The following DET1 variants were observed in gnomAD, a reference collection of about 807,000 sequenced individuals.
The protein encoded by DET1 is DET1 partner of COP1 E3 ubiquitin ligase.
In DET1, 22 loss-of-function variants were observed where a neutral mutation model predicts 43.7. That is an observed-to-expected ratio of 0.50 (90% CI 0.36 to 0.72). DET1 has a LOEUF of 0.72. DET1 is among the 30% of genes least tolerant of loss of function. The pLI, the probability that DET1 is intolerant of heterozygous loss-of-function variation, is 0.00. For synonymous variants in DET1, 315 were observed against 266.2 expected (o/e 1.18, Z -1.79); for missense variants, 713 against 713.3 (o/e 1.00, Z 0.00).
At chr15:88,529,276 G>A (rs1310639037) in intron 2 of DET1, among the ~76,000 whole-genome samples, 2 of 152,164 alleles carry the variant, frequency 1.3e-5, no homozygotes, top group Non-Finnish European at 2.9e-5. Flanking sequence ...TCCTATCAGG[G>A]TTTCACCAGA....
intron 1 of DET1, among the ~76,000 whole-genome samples, chr15:88,545,375 C>A (rs952440562): frequency 6.6e-6 from 1 of 152,128 alleles, no homozygotes; most frequent in Admixed American, 6.5e-5. Flanking sequence ...TTCCAGAAAC[C>A]CCCTGACAAA....
intron 1 of DET1, among the ~76,000 whole-genome samples, chr15:88,533,927 GA>G (rs1487770982): frequency 9.0e-5 from 12 of 132,972 alleles, no homozygotes; most frequent in African/African-American, 3.4e-4. Flanking sequence ...CAAATTCACA[GA>G]AACAAAGAAG....
downstream of DET1, among the ~76,000 whole-genome samples, chr15:88,509,511 A>G (rs943255528): frequency 1.3e-5 from 2 of 152,232 alleles, no homozygotes; most frequent in African/African-American, 2.4e-5. Flanking sequence ...CTGTTCAGAG[A>G]CAGACATGTA....
Position 88,513,124 on chromosome 15 carries a change from A to C in DET1, c.1480T>G (p.Ser494Ala). 7 of 1,612,202 alleles carry C rather than the reference A, an allele frequency of 4.3e-6. No individual in the cohort carries two copies. Among genetic ancestry groups the C allele is most frequent in the Non-Finnish European group, 5.9e-6 (7 of 1,178,956 alleles). The change falls in exon 5 of 5, where the codon TCG (serine) becomes GCG (alanine). Residue 494 changes from serine to alanine, a missense_variant. Physicochemically the swap from Ser to Ala is moderately conservative, Grantham distance 99. Transcript: ENST00000268148. ...TGGATCTCAAACTTGAGCAGGCCCG[A>C]GTCCCGGGCATAGAACCTAAAAAGA... ...DHPIRFYARDSGLLKFEIQAG... is the reference protein window; with the variant it reads ...DHPIRFYARDAGLLKFEIQAG...
downstream of DET1, among the ~76,000 whole-genome samples, chr15:88,512,140 C>G (rs1388016595): frequency 6.6e-6 from 1 of 152,202 alleles, no homozygotes; most frequent in Non-Finnish European, 1.5e-5. Context: ...ACCCAAATTA[C>G]AGTACGTGCT....
At chr15:88,515,749 G>C (rs1316755551) in intron 4 of DET1, among the ~76,000 whole-genome samples, 1 of 151,712 alleles carries the variant, frequency 6.6e-6, no homozygotes, top group African/African-American at 2.4e-5. Flanking sequence ...GTTTTGCTAG[G>C]ATAGCTTGGA....
chr15:88,539,902 T>G lies in DET1; in HGVS notation c.-11+6638A>C, dbSNP rs569408385. ...ACCCTGCAGATTTCCTTGCTCACCT[T>G]TTTTGTCATTCTGTAACTTTTCCTG... On this transcript the variant is annotated intron_variant, in intron 1 of 4. Transcript: ENST00000268148. Among the ~76,000 whole-genome samples the G allele has an allele frequency of 8.1e-4, 124 of 152,324 alleles. No homozygotes were observed. The Middle Eastern group carries it at 0.01, about 13-fold the overall frequency.
At chr15:88,524,245 G>A (rs538329099) in intron 3 of DET1, among the ~76,000 whole-genome samples, 38 of 151,118 alleles carry the variant, frequency 2.5e-4, no homozygotes, top group East Asian at 7.9e-4. Context: ...CTGCCTGGCC[G>A]CCCCATCTGA....
intron 3 of DET1, among the ~76,000 whole-genome samples, chr15:88,526,240 A>C (rs1192357197): frequency 6.6e-6 from 1 of 152,218 alleles, no homozygotes; most frequent in Non-Finnish European, 1.5e-5. Flanking sequence ...TGTTTTTCCC[A>C]GTGGCAGTAA....
intron 3 of DET1, among the ~76,000 whole-genome samples, chr15:88,526,278 T>C (rs184149410): frequency 1.4e-4 from 21 of 152,386 alleles, no homozygotes; most frequent in Admixed American, 1.4e-3. Flanking sequence ...CCACTCACTG[T>C]GGTCTGATCT....
At chr15:88,515,662 C>T (rs2056326928) in intron 4 of DET1, among the ~76,000 whole-genome samples, 1 of 145,374 alleles carries the variant, frequency 6.9e-6, no homozygotes. Context: ...AACAGGGATA[C>T]ATAAAAACTG....
At chr15:88,535,877 C>G (rs200830376) in intron 1 of DET1, among the ~76,000 whole-genome samples, 5 of 152,058 alleles carry the variant, frequency 3.3e-5, no homozygotes, top group South Asian at 4.2e-4. Context: ...AGGAAATTTC[C>G]CAAATTTGGC....
At chr15:88,527,411 A>G (rs781640620) in intron 3 of DET1, among the ~76,000 whole-genome samples, 188 bp downstream of exon 3, 1 of 152,266 alleles carries the variant, frequency 6.6e-6, no homozygotes, top group Non-Finnish European at 1.5e-5. Context: ...AGAATCACAG[A>G]CAATGCACAA....
At chr15:88,506,417 CAA>C (rs2056141886) in intron 7 of DET1, among the ~76,000 whole-genome samples, 1 of 148,446 alleles carries the variant, frequency 6.7e-6, no homozygotes, top group Non-Finnish European at 1.5e-5. Context: ...GCCTGATAGG[CAA>C]AGACTTCAGA....
At position 88,515,407 on chromosome 15, in the gene DET1, T is replaced by C. The variant is rs138817523; in HGVS notation, c.1463+1375A>G. Among the ~76,000 whole-genome samples the C allele has an allele frequency of 7.2e-3, 1,083 of 151,176 alleles. 14 individuals carry two copies. Among genetic ancestry groups the C allele is most frequent in the African/African-American group, 0.023 (931 of 41,236 alleles). On this transcript the variant is annotated intron_variant, in intron 4 of 4. Transcript: ENST00000268148. The stretch of plus-strand genomic sequence containing the variant: ...TACAAAAATTAGCCAGGTGTGGTGG[T>C]GGGCGCCTGTAATCCCAGCTACTTG...
chr15:88,545,182 T>C (rs564322602), intron 1 of DET1, among the ~76,000 whole-genome samples: 2 of 152,114 alleles, frequency 1.3e-5, no homozygotes, highest in East Asian at 1.9e-4. Flanking sequence ...AAAAAAAAAA[T>C]TGTAATCCTC....
At chr15:88,511,019 G>A (rs1274924403), downstream of DET1, among the ~76,000 whole-genome samples, 4 of 151,994 alleles carry the variant, frequency 2.6e-5, no homozygotes, top group East Asian at 3.9e-4. Flanking sequence ...TGATCCGCCC[G>A]CCTCAGCCTC....
intron 4 of DET1, among the ~76,000 whole-genome samples, chr15:88,514,583 T>C (rs1420628432): frequency 6.6e-6 from 1 of 152,226 alleles, no homozygotes; most frequent in Admixed American, 6.5e-5. Flanking sequence ...TCATGGTACA[T>C]CTATTTGATA....
intron 3 of DET1, among the ~76,000 whole-genome samples, chr15:88,517,912 A>T (rs2056389553): frequency 6.6e-6 from 1 of 152,156 alleles, no homozygotes; most frequent in South Asian, 2.1e-4. Context: ...GTTATTTCTC[A>T]TCACTGTCAC....
Sources: allele counts gnomAD v4.1 joint callset (sites outside exome capture counted in the v4.1 genomes callset), GRCh38; gene constraint gnomAD v4.1.1; transcripts MANE v1.5; gene names NCBI Gene and HGNC (gene_info 2026-07-23, HGNC 2026-07-21).